RTL4: variants seen among roughly 807,000 people sequenced by gnomAD.
RTL4 encodes the protein retrotransposon Gag like 4.
In RTL4, 4 loss-of-function variants were observed where a neutral mutation model predicts 5.3. The observed-to-expected ratio is 0.75, with a 90% CI of 0.37 to 1.72. The LOEUF is 1.72. Ranked by LOEUF, RTL4 falls within the 40% of genes most tolerant of loss-of-function variation. The probability of loss-of-function intolerance (pLI) is 0.04; values close to 1 mark genes in which losing one functional copy is unlikely to be tolerated. For synonymous variants in RTL4, 98 were observed against 87.3 expected, an observed-to-expected ratio of 1.12 and a Z score of -0.68; for missense variants, 260 against 227.1, an observed-to-expected ratio of 1.14 and a Z score of -0.93.
the RTL4 span, among the ~76,000 whole-genome samples, chrX:112,318,575 T>C: frequency 1.8e-4 from 20 of 112,221 alleles, no homozygotes; most frequent in Non-Finnish European, 3.6e-4. Context: ...TGTATAATGT[T>C]ATTAGCAGTC....
chrX:112,100,186 G>A, the RTL4 span, among the ~76,000 whole-genome samples: 2 of 111,830 alleles, frequency 1.8e-5, no homozygotes, highest in Admixed American at 9.5e-5. Context: ...TTGAAAACAG[G>A]CCACTGGAGT....
At chrX:112,455,127 G>A (rs1926814108) in exon 1 of RTL4, 1 of 1,211,672 alleles carries the variant, frequency 8.3e-7, no homozygotes, top group Non-Finnish European at 1.1e-6. Flanking sequence ...TTGAGTTCCA[G>A]CAGTCATTTG....
chrX:112,177,141 A>G, the RTL4 span, among the ~76,000 whole-genome samples: 2 of 111,124 alleles, frequency 1.8e-5, no homozygotes, highest in East Asian at 2.8e-4. Context: ...TAGTTCTGCA[A>G]TAAACATGGG....
the RTL4 span, among the ~76,000 whole-genome samples, chrX:112,353,073 C>T: frequency 1.8e-5 from 2 of 111,859 alleles, no homozygotes; most frequent in Non-Finnish European, 3.8e-5. Context: ...CCAAAAAACA[C>T]ATGAAAAAAT....
At chrX:112,163,519 C>A in the RTL4 span, among the ~76,000 whole-genome samples, 1 of 111,690 alleles carries the variant, frequency 9.0e-6, no homozygotes, top group Non-Finnish European at 1.9e-5. Context: ...AGTACTTCTA[C>A]CATAGAATCC....
At chrX:112,302,950 G>A in the RTL4 span, among the ~76,000 whole-genome samples, 4 of 112,007 alleles carry the variant, frequency 3.6e-5, no homozygotes, top group Non-Finnish European at 5.6e-5. Flanking sequence ...GAGTTGCACA[G>A]GAATCCTATC....
chrX:112,336,995 T>C, the RTL4 span, among the ~76,000 whole-genome samples: 1 of 112,262 alleles, frequency 8.9e-6, no homozygotes, highest in Non-Finnish European at 1.9e-5. Flanking sequence ...ATTCTCTTTT[T>C]AATATTTTTC....
exon 1 of RTL4, chrX:112,455,034 C>T (rs1385789864): frequency 1.2e-5 from 14 of 1,209,913 alleles, no homozygotes; most frequent in Non-Finnish European, 1.6e-5. Context: ...TTTTTGATTA[C>T]CTATCTCAGC....
the RTL4 span, among the ~76,000 whole-genome samples, chrX:112,206,704 T>C: frequency 7.2e-5 from 8 of 111,627 alleles, no homozygotes; most frequent in East Asian, 2.8e-4. Context: ...ATGCTGATAA[T>C]TTCCAAATTT....
At chrX:112,115,697 G>T in the RTL4 span, among the ~76,000 whole-genome samples, 1 of 111,534 alleles carries the variant, frequency 9.0e-6, no homozygotes, top group Non-Finnish European at 1.9e-5. Flanking sequence ...GGTAAGCCCA[G>T]GTGCCTAAGG....
the RTL4 span, among the ~76,000 whole-genome samples, chrX:112,185,841 A>G: frequency 9.0e-6 from 1 of 110,766 alleles, no homozygotes; most frequent in Non-Finnish European, 1.9e-5. Context: ...CAGAACCACT[A>G]TAGTTTATAG....
At chrX:112,358,603 A>G in the RTL4 span, among the ~76,000 whole-genome samples, 1 of 111,561 alleles carries the variant, frequency 9.0e-6, no homozygotes. Flanking sequence ...CAGTCGCTCT[A>G]CATCTTTCTA....
At chrX:112,242,985 G>T in the RTL4 span, among the ~76,000 whole-genome samples, 1 of 111,540 alleles carries the variant, frequency 9.0e-6, no homozygotes, top group Admixed American at 9.5e-5. Flanking sequence ...TTACATGATG[G>T]ATTAAGTTTA....
chrX:112,455,008 G>A, exon 1 of RTL4: 1 of 1,211,539 alleles, frequency 8.3e-7, no homozygotes, highest in East Asian at 3.0e-5. Flanking sequence ...TGCAAATGAT[G>A]CCCAGATCAA....
the RTL4 span, among the ~76,000 whole-genome samples, chrX:112,221,874 G>A: frequency 8.9e-6 from 1 of 112,702 alleles, no homozygotes; most frequent in African/African-American, 3.2e-5. Flanking sequence ...GGATGGTCTT[G>A]TTACCTGTGA....
At chrX:112,370,038 A>T in the RTL4 span, among the ~76,000 whole-genome samples, 2 of 111,981 alleles carry the variant, frequency 1.8e-5, no homozygotes, top group Non-Finnish European at 3.8e-5. Flanking sequence ...TTAAATGTGT[A>T]TTAGACATTC....
chrX:112,269,776 C>T, the RTL4 span, among the ~76,000 whole-genome samples: 4 of 111,833 alleles, frequency 3.6e-5, no homozygotes, highest in Non-Finnish European at 7.5e-5. Flanking sequence ...TCTCAGTCCT[C>T]AAGACAATTC....
the RTL4 span, among the ~76,000 whole-genome samples, chrX:112,421,170 C>A: frequency 3.2e-4 from 36 of 111,615 alleles, no homozygotes; most frequent in Non-Finnish European, 4.9e-4. Context: ...CAGTAACTGG[C>A]ATGTAGTAAG....
the RTL4 span, among the ~76,000 whole-genome samples, chrX:112,300,394 G>T: frequency 2.7e-5 from 3 of 112,310 alleles, no homozygotes; most frequent in African/African-American, 6.5e-5. Context: ...TAAATCAACT[G>T]TATTATAATC....
Sources: gnomAD v4.1 joint callset for allele counts (sites outside exome capture counted in the v4.1 genomes callset) on GRCh38, gnomAD v4.1.1 for gene constraint, MANE v1.5 for transcripts, NCBI Gene and HGNC (gene_info 2026-07-23, HGNC 2026-07-21) for gene names.